MAP3K20: variants seen among roughly 807,000 people sequenced by gnomAD.
MAP3K20 encodes the protein HCCS-4.
Under a neutral mutation model 85.7 loss-of-function variants are expected in MAP3K20, and 40 were observed. The observed-to-expected ratio is 0.47, with a 90% CI of 0.36 to 0.61. MAP3K20 has a LOEUF of 0.61. MAP3K20 is among the 20% of genes least tolerant of loss of function. MAP3K20 has a pLI of 0.00. For synonymous variants in MAP3K20, 325 were observed against 327.7 expected, an observed-to-expected ratio of 0.99 and a Z score of 0.09; for missense variants, 817 against 961.7, an observed-to-expected ratio of 0.85 and a Z score of 1.99.
At chr2:173,188,856 T>G (rs565185414) in intron 5 of MAP3K20, among the ~76,000 whole-genome samples, 1 of 152,288 alleles carries the variant, frequency 6.6e-6, no homozygotes, top group African/African-American at 2.4e-5. Context: ...AGATCAGAGT[T>G]TTATGAATTT....
At chr2:173,120,412 C>T (rs1329094591) in intron 2 of MAP3K20, among the ~76,000 whole-genome samples, 1 of 151,860 alleles carries the variant, frequency 6.6e-6, no homozygotes, top group Non-Finnish European at 1.5e-5. Context: ...ACCTCCTTGC[C>T]CCCATTGTTT....
chr2:173,215,006 G>C (rs2106312201), intron 10 of MAP3K20, among the ~76,000 whole-genome samples: 1 of 152,236 alleles, frequency 6.6e-6, no homozygotes, highest in Admixed American at 6.5e-5. Flanking sequence ...AGATTTACTT[G>C]GTGTTTGTTT....
intron 2 of MAP3K20, among the ~76,000 whole-genome samples, chr2:173,102,958 G>A (rs1574014767): frequency 6.6e-6 from 1 of 151,958 alleles, no homozygotes; most frequent in South Asian, 2.1e-4. Flanking sequence ...GAGGCTGAGG[G>A]AGGAGAATCG....
At chr2:173,076,999 A>G (rs554412578) in intron 1 of MAP3K20, among the ~76,000 whole-genome samples, 1 of 152,348 alleles carries the variant, frequency 6.6e-6, no homozygotes, top group East Asian at 1.9e-4. Context: ...GATCGCGCAT[A>G]AGTACTGTTT....
intron 16 of MAP3K20, among the ~76,000 whole-genome samples, chr2:173,254,971 G>GTA (rs1207758410): frequency 6.6e-6 from 1 of 152,136 alleles, no homozygotes; most frequent in Non-Finnish European, 1.5e-5. Flanking sequence ...ACCCAGCTTT[G>GTA]TAACAAGCAG....
At chr2:173,160,562 G>A (rs1369552733) in intron 2 of MAP3K20, among the ~76,000 whole-genome samples, 1 of 152,150 alleles carries the variant, frequency 6.6e-6, no homozygotes, top group Admixed American at 6.5e-5. Flanking sequence ...AACTGAGATT[G>A]AAAACTCTCC....
At chr2:173,181,800 C>A (rs1690336047) in intron 3 of MAP3K20, among the ~76,000 whole-genome samples, 1 of 151,562 alleles carries the variant, frequency 6.6e-6, no homozygotes, top group Non-Finnish European at 1.5e-5. Context: ...GTAATCCCAG[C>A]ACTTTGGGAG....
At chr2:173,213,943 T>A (rs1240076603) in intron 10 of MAP3K20, among the ~76,000 whole-genome samples, 2 of 152,158 alleles carry the variant, frequency 1.3e-5, no homozygotes, top group African/African-American at 4.8e-5. Context: ...TCCCCCCAAC[T>A]TTTATCTAGT....
chr2:173,108,357 C>T (rs1193623063), intron 2 of MAP3K20, among the ~76,000 whole-genome samples: 2 of 152,172 alleles, frequency 1.3e-5, no homozygotes, highest in Non-Finnish European at 2.9e-5. Flanking sequence ...TCTCGAACTC[C>T]TGACCTCAGG....
chr2:173,207,132 AGAG>A (rs1018466653), intron 9 of MAP3K20, among the ~76,000 whole-genome samples: 4 of 152,066 alleles, frequency 2.6e-5, no homozygotes, highest in Non-Finnish European at 5.9e-5. Context: ...ATTTTATTGA[AGAG>A]AAGGAGAAAA....
chr2:173,221,985 C>T, intron 11 of MAP3K20: 2 of 985,752 alleles, frequency 2.0e-6, no homozygotes, highest in Non-Finnish European at 2.4e-6. Flanking sequence ...TATAGCAATA[C>T]ACTGTAATAT....
chr2:173,180,235 A>T (rs1358355534), intron 3 of MAP3K20, among the ~76,000 whole-genome samples: 1 of 152,248 alleles, frequency 6.6e-6, no homozygotes, highest in Non-Finnish European at 1.5e-5. Flanking sequence ...AGTAATCAAC[A>T]TAATACAATA....
At chr2:173,110,003 A>G (rs1687896797) in intron 2 of MAP3K20, among the ~76,000 whole-genome samples, 1 of 151,648 alleles carries the variant, frequency 6.6e-6, no homozygotes, top group Admixed American at 6.6e-5. Flanking sequence ...TAGGCAACCT[A>G]GTTGGGGGAT....
At chr2:173,088,996 C>T (rs533546455) in intron 1 of MAP3K20, among the ~76,000 whole-genome samples, 4 of 152,234 alleles carry the variant, frequency 2.6e-5, no homozygotes, top group Middle Eastern at 3.4e-3. Flanking sequence ...AGTAGAGCAG[C>T]GTTTGACTTC....
chr2:173,238,386 A>T lies in MAP3K20; in HGVS notation c.1217A>T (p.Lys406Ile), dbSNP rs765142279. 3 of 1,612,930 alleles carry T rather than the reference A, an allele frequency of 1.9e-6. No individual in the cohort carries two copies. The Admixed American group carries it at 5.0e-5, about 27-fold the overall frequency. ...HIIHFKSAIE[K>I]LTHDYINLFH... Reference sequence around the variant, plus strand: ...TTTTTTTTACAGTCAGCCATTGAGAAATTAACCCATGATTACATAAATTTG... The same window carrying T: ...TTTTTTTTACAGTCAGCCATTGAGATATTAACCCATGATTACATAAATTTG... The change falls in exon 15 of 20, where the codon AAA becomes ATA. Residue 406 changes from lysine to isoleucine, a missense_variant. Transcript: ENST00000375213.
At chr2:173,211,890 G>C (rs552410490) in intron 10 of MAP3K20, 7 of 152,234 alleles carry the variant, frequency 4.6e-5, no homozygotes, top group African/African-American at 1.7e-4. Context: ...CTCCAGCCTG[G>C]GCGACACAGC....
At chr2:173,217,081 A>ATT (rs1446602780) in intron 10 of MAP3K20, 34 bp from the exon 11 acceptor site, 18 of 1,437,588 alleles carry the variant, frequency 1.3e-5, no homozygotes, top group Non-Finnish European at 1.6e-5. Flanking sequence ...TCTCTTAAGT[A>ATT]AAGTTGAGAC....
At chr2:173,209,576 A>ATGAT in intron 9 of MAP3K20, 153 bp from the exon 10 acceptor site, 1 of 603,046 alleles carries the variant, frequency 1.7e-6, no homozygotes, top group South Asian at 2.3e-5. Flanking sequence ...GAGTGATCTG[A>ATGAT]TGATTGTAAA....
At chr2:173,110,463 T>C (rs2106173595) in intron 2 of MAP3K20, among the ~76,000 whole-genome samples, 1 of 151,030 alleles carries the variant, frequency 6.6e-6, no homozygotes, top group South Asian at 2.1e-4. Flanking sequence ...GTACAGGTGG[T>C]ATTTGGTTAC....
Sources: allele counts gnomAD v4.1 joint callset (sites outside exome capture counted in the v4.1 genomes callset), GRCh38; gene constraint gnomAD v4.1.1; transcripts MANE v1.5; gene names NCBI Gene and HGNC (gene_info 2026-07-23, HGNC 2026-07-21).